The following LRFN3 variants were observed in gnomAD, a reference collection of about 807,000 sequenced individuals.
LRFN3 encodes the protein leucine rich repeat and fibronectin type III domain containing 3.
A neutral mutation model predicts 23.8 loss-of-function variants in LRFN3; 8 were observed. That is an observed-to-expected ratio of 0.34 (90% CI 0.20 to 0.61). The LOEUF (loss-of-function observed/expected upper bound fraction) is 0.61. Among genes scored for constraint, LRFN3 ranks in the 20% least tolerant of loss-of-function variants. The pLI is 0.80. For missense variants in LRFN3, 736 were observed against 935.3 expected, an observed-to-expected ratio of 0.79 and a Z score of 2.78; for synonymous variants, 451 against 450.6, an observed-to-expected ratio of 1.00 and a Z score of -0.01.
rs934983168 is a variant in LRFN3 at position 35,940,207 on chromosome 19, G to A, written c.782G>A (p.Arg261His). The A allele has an allele frequency of 3.1e-6, 5 of 1,608,928 alleles. No individual in the cohort carries two copies. Among genetic ancestry groups the A allele is most frequent in the Admixed American group, 3.3e-5 (2 of 59,962 alleles). ...TGCAACTGCGAGCTGGTGTGGCTGC[G>A]TCGCCTGGCGCGGGAGGACGACCTC... ...LHCNCELVWLRRLAREDDLEA... is the reference protein window; with the variant it reads ...LHCNCELVWLHRLAREDDLEA... Residue 261 changes from arginine (R) to histidine (H), a missense_variant, in exon 2 of 3, where the codon CGT (arginine) becomes CAT (histidine). Coordinates refer to ENST00000246529, the MANE Select transcript of LRFN3 (RefSeq NM_024509.2).
rs370578308 is a variant in LRFN3, at chr19:35,939,735, G to A, written c.310G>A (p.Ala104Thr). ...TIRHVAAGAF[A>T]DLRALRALHL... Reference sequence around the variant, plus strand: ...CCGCCACGTGGCTGCCGGCGCCTTCGCCGACCTGCGGGCCCTGCGTGCCCT... The same window carrying A: ...CCGCCACGTGGCTGCCGGCGCCTTCACCGACCTGCGGGCCCTGCGTGCCCT... The change falls in exon 2 of 3, where the codon GCC (alanine) becomes ACC (threonine). Residue 104 changes from alanine (A) to threonine (T), a missense_variant. By Grantham distance (58) the Ala-to-Thr change is moderately conservative (BLOSUM62 0). Coordinates refer to ENST00000246529, the MANE Select transcript of LRFN3 (RefSeq NM_024509.2). This position sits in a 1 kb window ranked among gnomAD's most constrained non-coding sequence, Gnocchi z 6.4. 1.9e-5 allele frequency: 31 copies of A among 1,603,276 alleles called. No individual in the cohort carries two copies. The highest frequency in any genetic ancestry group is 1.5e-4 in the Admixed American group (9 of 59,838).
chr19:35,946,373 A>G lies in LRFN3; in HGVS notation c.*1354A>G, dbSNP rs1325296829. Among the ~76,000 whole-genome samples, 2 of 149,996 alleles carry G rather than the reference A, an allele frequency of 1.3e-5. No homozygotes were observed. Among genetic ancestry groups the G allele is most frequent in the African/African-American group, 4.9e-5 (2 of 40,426 alleles). On this transcript the variant is annotated 3_prime_UTR_variant, in exon 3 of 3. Transcript: ENST00000246529. ...TTTTTTTTACAGATGGGGTCTCACT[A>G]TATTGCCCAGGCTGATCCCAAACTG...
rs1455885682 is a variant in LRFN3 at position 35,945,689 on chromosome 19, G to A, written c.*670G>A. The A allele has an allele frequency of 6.6e-6, 1 of 152,616 alleles. No homozygotes were observed. Among genetic ancestry groups the A allele is most frequent in the Non-Finnish European group, 1.5e-5 (1 of 68,334 alleles). 9.5% of individuals were successfully genotyped at this position (152,616 alleles called of 1,614,324 possible). ...AGGGCACAGCACAAGCAAGGTGGTG[G>A]TGTGCCCTGGGCACTGGGGGTGCTA... On this transcript the variant is annotated 3_prime_UTR_variant, in exon 3 of 3. Transcript: ENST00000246529.
rs1394878651 is a variant in LRFN3 at position 35,939,751 on chromosome 19, T to G, written c.326T>G (p.Leu109Arg). ...AAGAFADLRA[L>R]RALHLDGNRL... is the part of the protein sequence containing the mutation. Reference sequence around the variant, plus strand: ...GGCGCCTTCGCCGACCTGCGGGCCCTGCGTGCCCTGCACCTGGATGGCAAC... The same window carrying G: ...GGCGCCTTCGCCGACCTGCGGGCCCGGCGTGCCCTGCACCTGGATGGCAAC... The change falls in exon 2 of 3, where the codon CTG becomes CGG. Residue 109 changes from leucine (L) to arginine (R), a missense_variant. Around this residue, in one of 2 missense-constraint regions of LRFN3, gnomAD observed 446 missense variants for 647.9 expected, o/e 0.69. Coordinates refer to ENST00000246529, the MANE Select transcript of LRFN3 (RefSeq NM_024509.2). This position sits in a 1 kb window ranked among gnomAD's most constrained non-coding sequence, Gnocchi z 6.4. 2 of 1,604,640 alleles carry G rather than the reference T, an allele frequency of 1.2e-6. No individual in the cohort carries two copies. The highest frequency in any genetic ancestry group is 1.7e-6 in the Non-Finnish European group (2 of 1,179,198).
Position 35,940,659 on chromosome 19 carries a change from TC to T in LRFN3, c.1236del (p.Ala413LeufsTer21). ...GGATCCTGATGCTCTCACCCCACCCTCCGCTGCCTCTGCTTCTGCCAAGGTG... is the reference window on the plus strand; with the variant it reads ...GGATCCTGATGCTCTCACCCCACCCTCGCTGCCTCTGCTTCTGCCAAGGTG... ...DGDPDALTPP[S>X]AASASAKVAD... On this transcript the variant is annotated frameshift_variant, in exon 2 of 3. Transcript: ENST00000246529. LOFTEE classifies it high-confidence loss of function. 1 of 1,612,642 alleles carries T rather than the reference TC, an allele frequency of 6.2e-7. No individual in the cohort carries two copies. Among genetic ancestry groups the T allele is most frequent in the Non-Finnish European group, 8.5e-7 (1 of 1,179,370 alleles).
Position 35,939,120 on chromosome 19 carries a change from T to C in LRFN3, c.-16-290T>C, listed in dbSNP as rs11878444. 0.13 allele frequency among the ~76,000 whole-genome samples: 19,613 copies of C among 152,052 alleles called. 2,527 individuals are homozygous for C. Among genetic ancestry groups the C allele is most frequent in the African/African-American group, 0.33 (13,724 of 41,434 alleles). Reference sequence around the variant, plus strand: ...GACCACAGGTGGGCGCCACCATGCCTAGCTAATTTTTAAAAATTTTTGTAT... The same window carrying C: ...GACCACAGGTGGGCGCCACCATGCCCAGCTAATTTTTAAAAATTTTTGTAT... On this transcript the variant is annotated intron_variant, in intron 1 of 2. Transcript: ENST00000246529. The surrounding 1 kb of genome is among the most constrained non-coding windows in gnomAD (Gnocchi z 6.4).
intron 2 of LRFN3, 141 bp downstream of exon 2, chr19:35,940,981 G>A (rs1180205497): frequency 8.6e-6 from 11 of 1,285,296 alleles, no homozygotes; most frequent in Non-Finnish European, 1.1e-5. Context: ...GAGAGCAAAA[G>A]TAAAAGAAAT....
intron 2 of LRFN3, among the ~76,000 whole-genome samples, chr19:35,942,075 G>A (rs1976127821): frequency 6.6e-6 from 1 of 151,024 alleles, no homozygotes; most frequent in African/African-American, 2.4e-5. Context: ...GTAGAGATGG[G>A]GTTTCACCAT....
rs1411821599 is a variant in LRFN3, at chr19:35,936,468, G to T, written c.-1104G>T. The stretch of plus-strand genomic sequence containing the variant: ...CCAGCCCGGCCCCCGCCCGGCCCCC[G>T]CCTCGGCCCCGGCGGGGGAGGGGTC... On this transcript the variant is annotated 5_prime_UTR_variant, in exon 1 of 3. Transcript: ENST00000246529. 4.8e-5 allele frequency: 4 copies of T among 83,488 alleles called. No homozygotes were observed. Among genetic ancestry groups the T allele is most frequent in the African/African-American group, 9.0e-5 (2 of 22,270 alleles). The allele number at this position is 83,488 out of a possible 1,614,324, so 5.2% of individuals were successfully genotyped here.
In LRFN3 at chr19:35,937,354, G is replaced by T. The variant is rs1976068141; in HGVS notation, c.-218G>T. 1 of 152,308 alleles carries T rather than the reference G, an allele frequency of 6.6e-6. No homozygotes were observed. The highest frequency in any genetic ancestry group is 2.1e-4 in the South Asian group (1 of 4,822). The allele number at this position is 152,308 out of a possible 1,614,324, so 9.4% of individuals were successfully genotyped here. On this transcript the variant is annotated 5_prime_UTR_variant, in exon 1 of 3. Transcript: ENST00000246529. ...ACTGGACCCGTAAAACTGGACCCTA[G>T]AGGCCCAATATTTAGGGGTCTGGAA...
chr19:35,942,490 T>C (rs1200026375), intron 2 of LRFN3, among the ~76,000 whole-genome samples: 1 of 152,164 alleles, frequency 6.6e-6, no homozygotes, highest in African/African-American at 2.4e-5. Flanking sequence ...TGAGTCCCTG[T>C]CCTCACGGCC....
chr19:35,944,678 G>T lies in LRFN3; in HGVS notation c.1546G>T (p.Ala516Ser), dbSNP rs758854799. ...CACGGCCACGCGGCCTGTGGGCTGC[G>T]CCCGCTTCTCCACCGAACCTGCGCT... is the stretch of plus-strand genomic sequence containing the variant. Reference protein sequence around the residue: ...GLTATRPVGCARFSTEPALRP... With the variant: ...GLTATRPVGCSRFSTEPALRP... Residue 516 changes from alanine to serine, a missense_variant, in exon 3 of 3, where the codon GCC (alanine) becomes TCC (serine). Physicochemically the swap from Ala to Ser is moderately conservative, Grantham distance 99. This residue lies in a region of LRFN3 where 290 missense variants were observed against 287.4 expected (regional missense o/e 1.01). Coordinates refer to ENST00000246529, the MANE Select transcript of LRFN3 (RefSeq NM_024509.2). The surrounding 1 kb of genome is among the most constrained non-coding windows in gnomAD (Gnocchi z 4.5). The T allele has an allele frequency of 7.5e-6, 12 of 1,599,956 alleles. No homozygotes were observed. The East Asian group carries it at 1.1e-4, about 15-fold the overall frequency.
At chr19:35,942,879 A>C (rs958662314) in intron 2 of LRFN3, among the ~76,000 whole-genome samples, 1 of 152,138 alleles carries the variant, frequency 6.6e-6, no homozygotes, top group Non-Finnish European at 1.5e-5. Flanking sequence ...AATACAAAAA[A>C]TTAGCTGAGT....
rs1976063091 is a variant in LRFN3 at position 35,936,827 on chromosome 19, C to G, written c.-745C>G. 1 of 152,306 alleles carries G rather than the reference C, an allele frequency of 6.6e-6. No individual in the cohort carries two copies. Among genetic ancestry groups the G allele is most frequent in the South Asian group, 2.1e-4 (1 of 4,826 alleles). The allele number at this position is 152,306 out of a possible 1,614,324, so 9.4% of individuals were successfully genotyped here. A position where few individuals can be genotyped will look rare whatever the true frequency, so the allele number is the denominator to read the frequency against. ...GCACCCCGAGATCCGGCCGTGGAACCCCAAGATCTGGAGCCTGAACCCCAG... is the reference window on the plus strand; with the variant it reads ...GCACCCCGAGATCCGGCCGTGGAACGCCAAGATCTGGAGCCTGAACCCCAG... On this transcript the variant is annotated 5_prime_UTR_variant, in exon 1 of 3. Transcript: ENST00000246529.
Position 35,940,190 on chromosome 19 carries a change from C to T in LRFN3, c.765C>T (p.Cys255=). The T allele has an allele frequency of 8.7e-6, 14 of 1,609,946 alleles. No homozygotes were observed. The highest frequency in any genetic ancestry group is 2.2e-5 in the East Asian group (1 of 44,866). Residue 255 remains cysteine, a synonymous_variant, in exon 2 of 3, where the codon TGC becomes TGT. Transcript: ENST00000246529. The stretch of plus-strand genomic sequence containing the variant: ...GCGGGAACCCCCTGCACTGCAACTG[C>T]GAGCTGGTGTGGCTGCGTCGCCTGG... The part of the protein sequence containing the change: ...AFGGNPLHCN[C]ELVWLRRLAR...
Position 35,946,616 on chromosome 19 carries a change from G to A in LRFN3, c.*1597G>A, listed in dbSNP as rs1282981045. On this transcript the variant is annotated 3_prime_UTR_variant, in exon 3 of 3. Coordinates refer to ENST00000246529, the MANE Select transcript of LRFN3 (RefSeq NM_024509.2). ...CAATGATATAAATAAAGGCTGCGGT[G>A]ACCCCCCAGAGAGCAGTGTTAGGGG... Among the ~76,000 whole-genome samples the A allele has an allele frequency of 1.3e-5, 2 of 152,154 alleles. No homozygotes were observed. Among genetic ancestry groups the A allele is most frequent in the Non-Finnish European group, 2.9e-5 (2 of 68,028 alleles).
At chr19:35,941,523 G>A (rs1976121886) in intron 2 of LRFN3, among the ~76,000 whole-genome samples, 1 of 152,160 alleles carries the variant, frequency 6.6e-6, no homozygotes, top group Non-Finnish European at 1.5e-5. Context: ...GCTTCGGTGT[G>A]TGTGGTGTGA....
Position 35,944,682 on chromosome 19 carries a change from G to A in LRFN3, c.1550G>A (p.Arg517His). 1 of 1,601,856 alleles carries A rather than the reference G, an allele frequency of 6.2e-7. No individual in the cohort carries two copies. Among genetic ancestry groups the A allele is most frequent in the Non-Finnish European group, 8.5e-7 (1 of 1,176,274 alleles). ...LTATRPVGCA[R>H]FSTEPALRPC... ...GCCACGCGGCCTGTGGGCTGCGCCC[G>A]CTTCTCCACCGAACCTGCGCTGCGG... The change falls in exon 3 of 3, where the codon CGC (arginine) becomes CAC (histidine). Residue 517 changes from arginine (R) to histidine (H), a missense_variant. Around this residue, in one of 2 missense-constraint regions of LRFN3, gnomAD observed 290 missense variants for 287.4 expected, o/e 1.01. Coordinates refer to ENST00000246529, the MANE Select transcript of LRFN3 (RefSeq NM_024509.2). This position sits in a 1 kb window ranked among gnomAD's most constrained non-coding sequence, Gnocchi z 4.5.
chr19:35,945,342 A>G lies in LRFN3; in HGVS notation c.*323A>G, dbSNP rs1009454719. 4.4e-5 allele frequency: 12 copies of G among 272,878 alleles called. 1 individual carries two copies. The highest frequency in any genetic ancestry group is 2.9e-4 in the East Asian group (4 of 13,838). The allele number at this position is 272,878 out of a possible 1,614,324, so 16.9% of individuals were successfully genotyped here. ...AGGCTGAGGATGGCGATCCATTCAG[A>G]CAATAGATGTTCCCTGCGTGTCGGC... On this transcript the variant is annotated 3_prime_UTR_variant, in exon 3 of 3. Coordinates refer to ENST00000246529, the MANE Select transcript of LRFN3 (RefSeq NM_024509.2).
Sources: allele counts gnomAD v4.1 joint callset (sites outside exome capture counted in the v4.1 genomes callset), GRCh38; gene constraint gnomAD v4.1.1; regional missense constraint gnomAD v4.1.1; non-coding constraint Gnocchi (gnomAD v3.1); transcripts MANE v1.5; gene names NCBI Gene and HGNC (gene_info 2026-07-23, HGNC 2026-07-21).